NFKBIZ: variants seen among roughly 807,000 people sequenced by gnomAD.
NFKBIZ encodes NFKB inhibitor zeta.
In NFKBIZ, 19 loss-of-function variants were observed where a neutral mutation model predicts 76.8. The observed-to-expected ratio is 0.25, with a 90% CI of 0.17 to 0.36. The LOEUF (loss-of-function observed/expected upper bound fraction) is 0.36. Among genes scored for constraint, NFKBIZ ranks in the 10% least tolerant of loss-of-function variants. The probability of loss-of-function intolerance (pLI) is 1.00; values close to 1 mark genes in which losing one functional copy is unlikely to be tolerated. For missense variants in NFKBIZ, 829 were observed against 910.9 expected, an observed-to-expected ratio of 0.91 and a Z score of 1.16; for synonymous variants, 368 against 354.8, an observed-to-expected ratio of 1.04 and a Z score of -0.42.
chr3:101,850,061 C>A, intron 1 of NFKBIZ, 144 bp downstream of exon 1: 1 of 867,952 alleles, frequency 1.2e-6, no homozygotes. Flanking sequence ...CCACTCCCCG[C>A]CTTGCCCGGG....
At chr3:101,840,177 CTT>C (rs1942770209) in intron 2 of NFKBIZ, among the ~76,000 whole-genome samples, 1 of 152,118 alleles carries the variant, frequency 6.6e-6, no homozygotes, top group Non-Finnish European at 1.5e-5. Context: ...GGAAATGAAA[CTT>C]TTGGAGTTGT....
intron 2 of NFKBIZ, among the ~76,000 whole-genome samples, chr3:101,830,063 A>G (rs1268061697): frequency 6.6e-6 from 1 of 152,202 alleles, no homozygotes; most frequent in Non-Finnish European, 1.5e-5. Flanking sequence ...GCCCCCTCTC[A>G]GTTTTGGTGA....
chr3:101,832,649 C>G (rs1942661967), intron 2 of NFKBIZ, among the ~76,000 whole-genome samples: 1 of 152,114 alleles, frequency 6.6e-6, no homozygotes, highest in Admixed American at 6.5e-5. Context: ...AATTTCCTTC[C>G]TTTTTAAGGC....
intron 2 of NFKBIZ, among the ~76,000 whole-genome samples, chr3:101,831,831 A>G (rs1942652127): frequency 6.6e-6 from 1 of 151,810 alleles, no homozygotes; most frequent in Non-Finnish European, 1.5e-5. Context: ...AGTAGAGTGG[A>G]GTTTCACCAT....
chr3:101,858,373 T>A (rs1464253691), intron 11 of NFKBIZ: 2 of 983,096 alleles, frequency 2.0e-6, no homozygotes, highest in Non-Finnish European at 2.4e-6. Context: ...AGTTTCAAGT[T>A]TCAACTGAGA....
intron 2 of NFKBIZ, among the ~76,000 whole-genome samples, chr3:101,830,045 A>T (rs985812299): frequency 2.6e-5 from 4 of 152,154 alleles, no homozygotes; most frequent in Non-Finnish European, 5.9e-5. Flanking sequence ...AGGCTTGGAG[A>T]GCATCATGCC....
intron 6 of NFKBIZ, 34 bp downstream of exon 6, chr3:101,854,717 A>G (rs1304429780): frequency 2.7e-6 from 4 of 1,464,304 alleles, no homozygotes; most frequent in East Asian, 2.3e-5. Context: ...AATGGCAAAG[A>G]GGGGGTCATG....
chr3:101,843,616 G>A (rs1416826627), intron 2 of NFKBIZ, among the ~76,000 whole-genome samples: 1 of 152,170 alleles, frequency 6.6e-6, no homozygotes, highest in Non-Finnish European at 1.5e-5. Flanking sequence ...TTAAAGGAGA[G>A]ATGCAAGATG....
rs891631591 is a variant in NFKBIZ, at chr3:101,859,817, C to T, written c.*446C>T. ...GGCCTTAGTCCCTGGGAGTTACTGG[C>T]GTTGGACAGGCTTCAGTCATTGGAC... On this transcript the variant is annotated 3_prime_UTR_variant, in exon 12 of 12. Transcript: ENST00000326172. The T allele has an allele frequency of 5.1e-5, 8 of 156,880 alleles. No homozygotes were observed. The highest frequency in any genetic ancestry group is 1.8e-4 in the East Asian group (1 of 5,564). The allele number at this position is 156,880 out of a possible 1,614,324, so 9.7% of individuals were successfully genotyped here.
In NFKBIZ at chr3:101,855,177, G is replaced by C. The variant is rs1365903584; in HGVS notation, c.1559G>C (p.Cys520Ser). The change falls in exon 7 of 12, where the codon TGT becomes TCT. Residue 520 changes from cysteine (C) to serine (S), a missense_variant. Transcript: ENST00000326172. ...DCWGRTPLHV[C>S]AEKGHSQVLQ... ...TGGGGAAGAACACCTCTGCATGTGT[G>C]TGCTGAGAAGGGCCACTCCCAGGTG... 6.2e-7 allele frequency: 1 copy of C among 1,612,386 alleles called. No individual in the cohort carries two copies. The highest frequency in any genetic ancestry group is 2.2e-5 in the East Asian group (1 of 44,884).
At position 101,854,746 on chromosome 3, in the gene NFKBIZ, A is replaced by T. The variant is rs1943024181; in HGVS notation, c.1443+63A>T. On this transcript the variant is annotated intron_variant, in intron 6 of 11. Transcript: ENST00000326172. ...GGTCATGGTGAAGTGAATGATGACC[A>T]GCCTTATGTGTAGATCATCTTAGAG... 49 of 1,120,830 alleles carry T rather than the reference A, an allele frequency of 4.4e-5. No individual in the cohort carries two copies. The South Asian group carries it at 6.2e-4, about 14-fold the overall frequency. 69.4% of individuals were successfully genotyped at this position (1,120,830 alleles called of 1,614,324 possible). A position where few individuals can be genotyped will look rare whatever the true frequency, so the allele number is the denominator to read the frequency against.
intron 2 of NFKBIZ, among the ~76,000 whole-genome samples, chr3:101,842,473 T>C (rs1240679881): frequency 6.6e-6 from 1 of 152,190 alleles, no homozygotes; most frequent in Non-Finnish European, 1.5e-5. Context: ...GCCCATGGGC[T>C]GCATGTGGCC....
chr3:101,849,949 G>T (rs1441929970), intron 1 of NFKBIZ, 32 bp downstream of exon 1: 8 of 1,360,322 alleles, frequency 5.9e-6, no homozygotes, highest in East Asian at 3.1e-5. Context: ...CTGCGTACTC[G>T]GGGCGCGCAC....
chr3:101,856,538 G>A (rs1943052863), intron 9 of NFKBIZ: 1 of 152,088 alleles, frequency 6.6e-6, no homozygotes, highest in Admixed American at 6.6e-5. Context: ...CTTTTTGTAA[G>A]GATTTCTTCA....
At chr3:101,851,243 C>T (rs1942958313) in intron 1 of NFKBIZ, among the ~76,000 whole-genome samples, 1 of 152,248 alleles carries the variant, frequency 6.6e-6, no homozygotes, top group Admixed American at 6.5e-5. Context: ...GTTCAACACA[C>T]ATACTAAGAG....
chr3:101,849,266 C>G (rs1037057157), upstream of NFKBIZ: 19 of 175,774 alleles, frequency 1.1e-4, no homozygotes, highest in Middle Eastern at 2.4e-3. Context: ...CTGGAAGCCG[C>G]GCGCTGTCGG....
intron 2 of NFKBIZ, among the ~76,000 whole-genome samples, chr3:101,833,819 T>C (rs867145416): frequency 1.5e-4 from 23 of 152,166 alleles, no homozygotes; most frequent in Admixed American, 1.2e-3. Context: ...AACCCAACAG[T>C]AATGTCAAAA....
chr3:101,834,740 G>C lies in NFKBIZ; in HGVS notation c.-12+5052G>C, dbSNP rs544464091. Reference sequence around the variant, plus strand: ...CTCTAAACAGTTCCCCTCTTTCCATGCCCAGGAGCACCACTTCAGTTCAGA... The same window carrying C: ...CTCTAAACAGTTCCCCTCTTTCCATCCCCAGGAGCACCACTTCAGTTCAGA... On this transcript the variant is annotated intron_variant, in intron 2 of 12. Coordinates refer to the NFKBIZ transcript ENST00000394054. Among the ~76,000 whole-genome samples, 17 of 152,312 alleles carry C rather than the reference G, an allele frequency of 1.1e-4. No individual in the cohort carries two copies. In the South Asian group the frequency reaches 3.5e-3, roughly 32 times the overall value.
In NFKBIZ at chr3:101,849,654, A is replaced by C; in HGVS notation, c.26A>C (p.Asp9Ala). MIVDKLLD[D>A]SRGGEGLRDA... is the part of the protein sequence containing the mutation. ...ATGATTGTGGACAAGCTGCTGGACG[A>C]CAGCCGCGGCGGAGAGGGGCTGCGG... Residue 9 changes from aspartate to alanine, a missense_variant, in exon 1 of 12, where the codon GAC becomes GCC. By Grantham distance (126) the Asp-to-Ala change is moderately radical (BLOSUM62 -2). This residue lies in a region of NFKBIZ where 181 missense variants were observed against 175.3 expected (regional missense o/e 1.03). Coordinates refer to ENST00000326172, the MANE Select transcript of NFKBIZ (RefSeq NM_031419.4). 7.1e-7 allele frequency: 1 copy of C among 1,398,766 alleles called. No individual in the cohort carries two copies. The highest frequency in any genetic ancestry group is 1.6e-5 in the South Asian group (1 of 60,928). 86.6% of individuals were successfully genotyped at this position (1,398,766 alleles called of 1,614,324 possible).
Sources: gnomAD v4.1 joint callset for allele counts (sites outside exome capture counted in the v4.1 genomes callset) on GRCh38, gnomAD v4.1.1 for gene constraint, gnomAD v4.1.1 regional missense constraint, MANE v1.5 for transcripts, NCBI Gene and HGNC (gene_info 2026-07-23, HGNC 2026-07-21) for gene names.